The following ROBO2 variants were observed in gnomAD, a reference collection of about 807,000 sequenced individuals.
ROBO2 encodes roundabout homolog 2.
In ROBO2, 53 loss-of-function variants were observed where a neutral mutation model predicts 160.8. The ratio of observed to expected loss-of-function variants is 0.33; its 90% CI spans 0.26 to 0.41. ROBO2 has a LOEUF of 0.41. ROBO2 is among the 10% of genes least tolerant of loss of function. The pLI, the probability that ROBO2 is intolerant of heterozygous loss-of-function variation, is 1.00. For synonymous variants in ROBO2, 664 were observed against 611.7 expected (o/e 1.09, Z -1.26); for missense variants, 1,577 against 1,722.4 (o/e 0.92, Z 1.49).
Position 77,577,011 on chromosome 3 carries a change from G to A in ROBO2, c.2204-479G>A, listed in dbSNP as rs142658796. On this transcript the variant is annotated intron_variant, in intron 14 of 25. Coordinates refer to ENST00000461745, the Ensembl canonical transcript of ROBO2. Reference sequence around the variant, plus strand: ...AATATGTCTTCTCAGAATAATTTTGGTTAGAAGAAGTTATGGTTGTTTTTA... The same window carrying A: ...AATATGTCTTCTCAGAATAATTTTGATTAGAAGAAGTTATGGTTGTTTTTA... Among the ~76,000 whole-genome samples, 276 of 152,146 alleles carry A rather than the reference G, an allele frequency of 1.8e-3. 1 individual carries two copies. Among genetic ancestry groups the A allele is most frequent in the African/African-American group, 6.2e-3 (259 of 41,550 alleles).
At chr3:77,644,960 A>G (rs1250765186) in intron 25 of ROBO2, 56 bp downstream of exon 27, 1 of 1,533,304 alleles carries the variant, frequency 6.5e-7, no homozygotes, top group African/African-American at 1.4e-5. Flanking sequence ...TCTTGGGTTA[A>G]TAACATTGCC....
intron 2 of ROBO2, among the ~76,000 whole-genome samples, chr3:76,182,291 C>T (rs986082114): frequency 2.6e-4 from 39 of 152,080 alleles, no homozygotes; most frequent in African/African-American, 8.9e-4. Flanking sequence ...GGTAACCTTC[C>T]TGAACACATA....
At chr3:76,125,884 T>C (rs1277329626) in intron 2 of ROBO2, among the ~76,000 whole-genome samples, 2 of 152,172 alleles carry the variant, frequency 1.3e-5, no homozygotes, top group Non-Finnish European at 2.9e-5. Context: ...TCGAGTGCAA[T>C]GGCATGATCT....
At chr3:76,435,931 G>T (rs2076653441) in intron 2 of ROBO2, among the ~76,000 whole-genome samples, 1 of 151,396 alleles carries the variant, frequency 6.6e-6, no homozygotes, top group Non-Finnish European at 1.5e-5. Context: ...TGGACCAAAG[G>T]CTGAGGCTTG....
At chr3:76,981,649 T>G (rs2060104848) in intron 2 of ROBO2, among the ~76,000 whole-genome samples, 1 of 152,200 alleles carries the variant, frequency 6.6e-6, no homozygotes, top group African/African-American at 2.4e-5. Flanking sequence ...ATTCTTGCAT[T>G]GCTATAAAGA....
intron 2 of ROBO2, among the ~76,000 whole-genome samples, chr3:77,155,068 T>C (rs2150562049): frequency 6.6e-6 from 1 of 151,776 alleles, no homozygotes; most frequent in Admixed American, 6.6e-5. Flanking sequence ...AATAAATAAA[T>C]AAATAAATAA....
At chr3:76,262,879 T>A (rs937156521) in intron 2 of ROBO2, among the ~76,000 whole-genome samples, 10 of 152,126 alleles carry the variant, frequency 6.6e-5, no homozygotes, top group African/African-American at 2.4e-4. Flanking sequence ...TTCTACCAAA[T>A]TGGTTCCAAA....
intron 2 of ROBO2, among the ~76,000 whole-genome samples, chr3:76,491,090 G>T (rs1208904439): frequency 1.3e-5 from 2 of 151,932 alleles, no homozygotes; most frequent in African/African-American, 4.8e-5. Context: ...CTCCTAAGTA[G>T]CTGGGATTAC....
intron 2 of ROBO2, among the ~76,000 whole-genome samples, chr3:76,425,511 TGTGTGTGTG>T (rs2076182027): frequency 7.0e-6 from 1 of 143,502 alleles, no homozygotes; most frequent in Non-Finnish European, 1.5e-5. Context: ...TGTGTGTGTG[TGTGTGTGTG>T]TGTGTCTGTG....
At chr3:76,678,400 G>A (rs2092468223) in intron 2 of ROBO2, among the ~76,000 whole-genome samples, 1 of 151,980 alleles carries the variant, frequency 6.6e-6, no homozygotes, top group African/African-American at 2.4e-5. Context: ...ATTGAGATTT[G>A]CGCTGGTCCA....
intron 2 of ROBO2, among the ~76,000 whole-genome samples, chr3:76,504,317 C>T (rs1014524960): frequency 2.0e-5 from 3 of 152,076 alleles, no homozygotes; most frequent in African/African-American, 7.2e-5. Flanking sequence ...AAAAGCCATA[C>T]GTTTGTTTAG....
intron 2 of ROBO2, among the ~76,000 whole-genome samples, chr3:77,155,778 T>C (rs145660185): frequency 5.3e-5 from 8 of 152,194 alleles, no homozygotes; most frequent in Admixed American, 5.2e-4. Context: ...TTTTCAGTCT[T>C]CGTTTGACCC....
At chr3:76,817,841 T>C (rs578082242) in intron 2 of ROBO2, among the ~76,000 whole-genome samples, 119 of 151,858 alleles carry the variant, frequency 7.8e-4, no homozygotes, top group African/African-American at 2.8e-3. Flanking sequence ...TTTTTTTTTT[T>C]TTTTGGCTGA....
At chr3:76,355,977 G>A (rs2075139927) in intron 2 of ROBO2, among the ~76,000 whole-genome samples, 1 of 151,692 alleles carries the variant, frequency 6.6e-6, no homozygotes, top group African/African-American at 2.4e-5. Context: ...GTGTTGGGTG[G>A]TTTATAGCAT....
At chr3:76,479,884 C>T (rs569628500) in intron 2 of ROBO2, among the ~76,000 whole-genome samples, 65 of 152,190 alleles carry the variant, frequency 4.3e-4, no homozygotes, top group African/African-American at 7.5e-4. Flanking sequence ...AGCAACCATA[C>T]GGGCTCTGCT....
intron 2 of ROBO2, among the ~76,000 whole-genome samples, chr3:77,135,826 A>G (rs532588044): frequency 6.6e-6 from 1 of 152,360 alleles, no homozygotes; most frequent in South Asian, 2.1e-4. Flanking sequence ...ACTGTACATC[A>G]TTCAATAGTG....
At chr3:77,268,646 A>G (rs2059288955) in intron 2 of ROBO2, among the ~76,000 whole-genome samples, 1 of 152,250 alleles carries the variant, frequency 6.6e-6, no homozygotes, top group Non-Finnish European at 1.5e-5. Context: ...AATACCAGTC[A>G]GTTGCCTTAT....
intron 2 of ROBO2, among the ~76,000 whole-genome samples, chr3:77,400,990 G>A (rs2075744994): frequency 1.3e-5 from 2 of 151,378 alleles, no homozygotes; most frequent in African/African-American, 4.9e-5. Flanking sequence ...TCCTGGGAGG[G>A]TTCTTGCAAG....
chr3:76,175,170 A>AGC (rs2073184863), intron 2 of ROBO2, among the ~76,000 whole-genome samples: 1 of 151,674 alleles, frequency 6.6e-6, no homozygotes. Flanking sequence ...CTTGTCTATT[A>AGC]TTGGTGTATA....
Sources: allele counts gnomAD v4.1 joint callset (sites outside exome capture counted in the v4.1 genomes callset), GRCh38; gene constraint gnomAD v4.1.1; transcripts MANE v1.5; gene names NCBI Gene and HGNC (gene_info 2026-07-23, HGNC 2026-07-21).